TNKS1BP1: variants seen among roughly 807,000 people sequenced by gnomAD.
The protein encoded by TNKS1BP1 is CCR4-NOT transcription complex subunit 12.
A neutral mutation model predicts 141.1 loss-of-function variants in TNKS1BP1; 48 were observed. That is an observed-to-expected ratio of 0.34 (90% CI 0.27 to 0.43). TNKS1BP1 has a LOEUF of 0.43. Among genes scored for constraint, TNKS1BP1 ranks in the 20% least tolerant of loss-of-function variants. The pLI is 1.00. For missense variants in TNKS1BP1, 2,149 were observed against 2,226.0 expected (o/e 0.97, Z 0.70); for synonymous variants, 875 against 898.2 (o/e 0.97, Z 0.46).
rs1323681895 is a variant in TNKS1BP1, at chr11:57,322,281, T to TCTA, written c.-65-334_-65-332dup. 7 of 1,027,486 alleles carry TCTA rather than the reference T, an allele frequency of 6.8e-6. No homozygotes were observed. In the South Asian group the frequency reaches 2.7e-4, roughly 39 times the overall value. The allele number at this position is 1,027,486 out of a possible 1,614,324, so 63.6% of individuals were successfully genotyped here. A position where few individuals can be genotyped will look rare whatever the true frequency, so the allele number is the denominator to read the frequency against. ...GGGTAGGACGGCCCCGCTGGAGGTGTCTACTCAAAGCAGAGCTAGAGAGCT... is the reference window on the plus strand; with the variant it reads ...GGGTAGGACGGCCCCGCTGGAGGTGTCTACTACTCAAAGCAGAGCTAGAGAGCT... On this transcript the variant is annotated intron_variant, in intron 1 of 11. Coordinates refer to ENST00000358252, the MANE Select transcript of TNKS1BP1 (RefSeq NM_033396.3).
At chr11:57,311,413 G>A (rs1339515888) in intron 5 of TNKS1BP1, 2 of 985,616 alleles carry the variant, frequency 2.0e-6, no homozygotes, top group African/African-American at 3.5e-5. Context: ...GGCCAGCCGG[G>A]CGCAGGGATA....
At position 57,313,192 on chromosome 11, in the gene TNKS1BP1, G is replaced by C. The variant is rs750061956; in HGVS notation, c.1496C>G (p.Pro499Arg). Reference sequence around the variant, plus strand: ...GGCGGCCTCACTGGCTTCAGTGATGGGGGAGGGAGGCGGGGAGTCCAGCCG... The same window carrying C: ...GGCGGCCTCACTGGCTTCAGTGATGCGGGAGGGAGGCGGGGAGTCCAGCCG... ...VWRLDSPPPS[P>R]ITEASEAAEA... Residue 499 changes from proline (P) to arginine (R), a missense_variant, in exon 5 of 12, where the codon CCC (proline) becomes CGC (arginine). Transcript: ENST00000358252. 7 of 1,612,548 alleles carry C rather than the reference G, an allele frequency of 4.3e-6. No individual in the cohort carries two copies. The African/African-American group carries it at 8.0e-5, about 18-fold the overall frequency.
At position 57,313,821 on chromosome 11, in the gene TNKS1BP1, G is replaced by T; in HGVS notation, c.867C>A (p.Gly289=). Residue 289 remains glycine (G), a synonymous_variant, in exon 5 of 12, where the codon GGC becomes GGA. Coordinates refer to ENST00000358252, the MANE Select transcript of TNKS1BP1 (RefSeq NM_033396.3). ...SSENGGPASP[G]LPAEASGSGP... ...CTGAGCCTGAGGCTTCTGCGGGGAG[G>T]CCTGGGCTGGCAGGGCCTCCATTCT... 6.5e-7 allele frequency: 1 copy of T among 1,546,668 alleles called. No individual in the cohort carries two copies. Among genetic ancestry groups the T allele is most frequent in the South Asian group, 1.3e-5 (1 of 78,228 alleles).
rs985868880 is a variant in TNKS1BP1 at position 57,300,019 on chromosome 11, C to G, written c.*75G>C. On this transcript the variant is annotated 3_prime_UTR_variant, in exon 12 of 12. Transcript: ENST00000358252. Reference sequence around the variant, plus strand: ...GCCTGGGGCATGGTGGGGCTCCAGCCGTCTCCTCACCCAGGGACCCCACAG... The same window carrying G: ...GCCTGGGGCATGGTGGGGCTCCAGCGGTCTCCTCACCCAGGGACCCCACAG... 6.5e-6 allele frequency: 1 copy of G among 154,346 alleles called. No homozygotes were observed. The highest frequency in any genetic ancestry group is 1.4e-5 in the Non-Finnish European group (1 of 69,204). 9.6% of individuals were successfully genotyped at this position (154,346 alleles called of 1,614,324 possible).
chr11:57,321,434 T>C (rs1313043610), intron 2 of TNKS1BP1, among the ~76,000 whole-genome samples: 1 of 152,052 alleles, frequency 6.6e-6, no homozygotes, highest in African/African-American at 2.4e-5. Flanking sequence ...TTTGGCTAAA[T>C]AGAAGAAAAG....
In TNKS1BP1 at chr11:57,302,706, C is replaced by T; in HGVS notation, c.4436G>A (p.Gly1479Glu). The T allele has an allele frequency of 6.2e-7, 1 of 1,603,494 alleles. No individual in the cohort carries two copies. Among genetic ancestry groups the T allele is most frequent in the Non-Finnish European group, 8.5e-7 (1 of 1,177,556 alleles). ...GGCTCCTTCCTCCTCCAACAGGCCC[C>T]CAAGGCCCGAGGCCGCTGACTCCCT... ...ARRESAASGL[G>E]GLLEEEGAGA... The change falls in exon 7 of 12, where the codon GGG becomes GAG. Residue 1479 changes from glycine to glutamate, a missense_variant. Physicochemically the swap from Gly to Glu is moderately conservative, Grantham distance 98 (BLOSUM62 -2). Coordinates refer to ENST00000358252, the MANE Select transcript of TNKS1BP1 (RefSeq NM_033396.3). This position sits in a 1 kb window ranked among gnomAD's most constrained non-coding sequence, Gnocchi z 5.5.
In TNKS1BP1 at chr11:57,309,331, A is replaced by G. The variant is rs369154060; in HGVS notation, c.3380T>C (p.Ile1127Thr). Reference sequence around the variant, plus strand: ...AGCACCACTCACTCTGTCGTTGCCAATGATGCCAAACTGATAGCTCCTCTC... The same window carrying G: ...AGCACCACTCACTCTGTCGTTGCCAGTGATGCCAAACTGATAGCTCCTCTC... ...ASERSYQFGIIGNDRVSGAGF... is the reference protein window; with the variant it reads ...ASERSYQFGITGNDRVSGAGF... Residue 1127 changes from isoleucine (I) to threonine (T), a missense_variant, in exon 6 of 12, where the codon ATT (isoleucine) becomes ACT (threonine). Coordinates refer to ENST00000358252, the MANE Select transcript of TNKS1BP1 (RefSeq NM_033396.3). This position sits in a 1 kb window ranked among gnomAD's most constrained non-coding sequence, Gnocchi z 4.3. The G allele has an allele frequency of 7.4e-6, 12 of 1,614,004 alleles. No homozygotes were observed. Among genetic ancestry groups the G allele is most frequent in the African/African-American group, 1.3e-5 (1 of 74,930 alleles).
At position 57,320,574 on chromosome 11, in the gene TNKS1BP1, G is replaced by C; in HGVS notation, c.233C>G (p.Ala78Gly). 1 of 1,614,074 alleles carries C rather than the reference G, an allele frequency of 6.2e-7. No individual in the cohort carries two copies. Residue 78 changes from alanine to glycine, a missense_variant, in exon 3 of 12, where the codon GCC becomes GGC. Ala to Gly is a moderately conservative substitution (Grantham distance 60, BLOSUM62 0). Transcript: ENST00000358252. ...PRGPLAELPSARKMNMLAGPQ... is the reference protein window; with the variant it reads ...PRGPLAELPSGRKMNMLAGPQ... ...TCCTGCCAGCATGTTCATCTTCCTG[G>C]CAGAAGGCAACTCAGCCAGGGGACC...
intron 4 of TNKS1BP1, 109 bp downstream of exon 4, chr11:57,317,709 T>G: frequency 8.5e-7 from 1 of 1,176,246 alleles, no homozygotes; most frequent in Middle Eastern, 2.0e-4. Context: ...ACTCTCCCCA[T>G]GGGCCTCAGT....
rs765633671 is a variant in TNKS1BP1, at chr11:57,313,524, G to A, written c.1164C>T (p.Pro388=). ...ACTCACCCACCTCGATCAGGGGCCGGGGTGAGGTGGCAGGGGGCTGATCCA... is the reference window on the plus strand; with the variant it reads ...ACTCACCCACCTCGATCAGGGGCCGAGGTGAGGTGGCAGGGGGCTGATCCA... ...HSLDQPPATS[P]RPLIEVGELL... Residue 388 remains proline (P), a synonymous_variant, in exon 5 of 12, where the codon CCC becomes CCT. Coordinates refer to ENST00000358252, the MANE Select transcript of TNKS1BP1 (RefSeq NM_033396.3). 17 of 1,572,268 alleles carry A rather than the reference G, an allele frequency of 1.1e-5. No homozygotes were observed. The South Asian group carries it at 1.4e-4, about 13-fold the overall frequency.
chr11:57,316,795 C>G (rs995222559), intron 4 of TNKS1BP1, among the ~76,000 whole-genome samples: 1 of 152,348 alleles, frequency 6.6e-6, no homozygotes, highest in Middle Eastern at 3.4e-3. Context: ...GCAACTGATT[C>G]TTAATCCAGT....
chr11:57,322,338 CACGGGAG>C, intron 1 of TNKS1BP1: 1 of 987,264 alleles, frequency 1.0e-6, no homozygotes, highest in Non-Finnish European at 1.2e-6. Context: ...TGAATCACCT[CACGGGAG>C]ACGGGAAAAA....
chr11:57,317,958 G>C (rs1346150890), intron 3 of TNKS1BP1, 71 bp from the exon 4 acceptor site: 6 of 1,464,732 alleles, frequency 4.1e-6, no homozygotes, highest in South Asian at 3.4e-5. Context: ...AAATGTGGGA[G>C]AGTCTCCCAG....
In TNKS1BP1 at chr11:57,312,390, G is replaced by C. The variant is rs139086052; in HGVS notation, c.2154+144C>G. The C allele has an allele frequency of 1.5e-4, 129 of 844,908 alleles. No individual in the cohort carries two copies. In the African/African-American group the frequency reaches 1.9e-3, roughly 12 times the overall value. The allele number at this position is 844,908 out of a possible 1,614,324, so 52.3% of individuals were successfully genotyped here. On this transcript the variant is annotated intron_variant, in intron 5 of 11. Transcript: ENST00000358252. ...ACACCGTCCTGTGTGGCTCTGCAGAGCTACAATCTGCAGGTCCACAGCTGC... is the reference window on the plus strand; with the variant it reads ...ACACCGTCCTGTGTGGCTCTGCAGACCTACAATCTGCAGGTCCACAGCTGC...
chr11:57,317,240 G>C (rs768119614), intron 4 of TNKS1BP1, among the ~76,000 whole-genome samples: 2 of 152,158 alleles, frequency 1.3e-5, no homozygotes, highest in Admixed American at 1.3e-4. Flanking sequence ...AGCTAGCAAG[G>C]GCTGTATGAG....
At position 57,320,518 on chromosome 11, in the gene TNKS1BP1, G is replaced by A; in HGVS notation, c.289C>T (p.Leu97Phe). The A allele has an allele frequency of 1.2e-6, 2 of 1,613,216 alleles. No individual in the cohort carries two copies. Among genetic ancestry groups the A allele is most frequent in the Non-Finnish European group, 1.7e-6 (2 of 1,179,394 alleles). The change falls in exon 3 of 12, where the codon CTT becomes TTT. Residue 97 changes from leucine to phenylalanine, a missense_variant. By Grantham distance (22) the Leu-to-Phe change is conservative. Transcript: ENST00000358252. ...ACCGCAGGCCTTGGTGCAAAGGGAA[G>A]GGGGCGCTTGCTGCCACCATAGGGC... ...PQPYGGSKRP[L>F]PFAPRPAVEA...
intron 2 of TNKS1BP1, 43 bp downstream of exon 2, chr11:57,321,749 C>T (rs751067987): frequency 1.9e-5 from 21 of 1,110,330 alleles, no homozygotes; most frequent in South Asian, 2.6e-5. Flanking sequence ...GTCCTTCCCA[C>T]CCCCCTCCCA....
Position 57,320,598 on chromosome 11 carries a change from C to T in TNKS1BP1, c.209G>A (p.Gly70Asp), listed in dbSNP as rs1275750837. ...LVPVGPRPPRGPLAELPSARK... is the reference protein window; with the variant it reads ...LVPVGPRPPRDPLAELPSARK... ...GGCAGAAGGCAACTCAGCCAGGGGA[C>T]CCCGGGGAGGCCGAGGCCCAACAGG... Residue 70 changes from glycine to aspartate, a missense_variant, in exon 3 of 12, where the codon GGT becomes GAT. Transcript: ENST00000358252. 1.3e-5 allele frequency: 21 copies of T among 1,613,836 alleles called. No homozygotes were observed. Among genetic ancestry groups the T allele is most frequent in the Non-Finnish European group, 1.7e-5 (20 of 1,179,990 alleles).
Position 57,320,465 on chromosome 11 carries a change from G to A in TNKS1BP1, c.342C>T (p.Thr114=), listed in dbSNP as rs968857153. The change falls in exon 3 of 12, where the codon ACC becomes ACT. Residue 114 remains threonine, a synonymous_variant. Transcript: ENST00000358252. ...CAGCCTCCTCTTTCCCAGTCTCTTGGGTGGCTTCTCCTCCAGTGGAGGCCT... is the reference window on the plus strand; with the variant it reads ...CAGCCTCCTCTTTCCCAGTCTCTTGAGTGGCTTCTCCTCCAGTGGAGGCCT... The part of the protein sequence containing the change: ...AVEASTGGEA[T]QETGKEEAGK... 4 of 1,608,066 alleles carry A rather than the reference G, an allele frequency of 2.5e-6. No homozygotes were observed. The highest frequency in any genetic ancestry group is 4.5e-5 in the East Asian group (2 of 44,760).
Sources: gnomAD v4.1 joint callset for allele counts (sites outside exome capture counted in the v4.1 genomes callset) on GRCh38, gnomAD v4.1.1 for gene constraint, Gnocchi (gnomAD v3.1) non-coding constraint, MANE v1.5 for transcripts, NCBI Gene and HGNC (gene_info 2026-07-23, HGNC 2026-07-21) for gene names.